Variants in NFATC1 observed in about 807,000 individuals in gnomAD.
NFATC1 encodes nuclear factor of activated T cells 1, also known as nuclear factor of activated T-cells, cytoplasmic 1.
Under a neutral mutation model 76.0 loss-of-function variants are expected in NFATC1, and 22 were observed. The ratio of observed to expected loss-of-function variants is 0.29; its 90% CI spans 0.21 to 0.41. The LOEUF is 0.41. Among genes scored for constraint, NFATC1 ranks in the 10% least tolerant of loss-of-function variants. The pLI is 1.00. For missense variants in NFATC1, 1,357 were observed against 1,337.7 expected (o/e 1.01, Z -0.23); for synonymous variants, 704 against 613.1 (o/e 1.15, Z -2.19).
intron 9 of NFATC1, among the ~76,000 whole-genome samples, chr18:79,513,430 C>T (rs974965604): frequency 2.6e-5 from 4 of 152,358 alleles, no homozygotes; most frequent in South Asian, 2.1e-4. Context: ...CAGATACCCG[C>T]GTCATCCCCC....
At chr18:79,469,759 G>GT in intron 8 of NFATC1, 14 of 985,444 alleles carry the variant, frequency 1.4e-5, no homozygotes, top group Non-Finnish European at 1.7e-5. Context: ...TCTCCTGGAC[G>GT]TAGCACCATA....
At chr18:79,460,958 C>T (rs2088038018) in intron 6 of NFATC1, among the ~76,000 whole-genome samples, 1 of 152,226 alleles carries the variant, frequency 6.6e-6, no homozygotes, top group Non-Finnish European at 1.5e-5. Context: ...CCTCCCGTGA[C>T]CTGTCCTGAG....
intron 8 of NFATC1, among the ~76,000 whole-genome samples, chr18:79,472,467 C>T (rs1227012312): frequency 6.6e-6 from 1 of 152,250 alleles, no homozygotes; most frequent in African/African-American, 2.4e-5. Flanking sequence ...TGCCTTTTCC[C>T]TGGACTTTCC....
intron 9 of NFATC1, among the ~76,000 whole-genome samples, chr18:79,526,053 G>A (rs566508639): frequency 3.9e-5 from 6 of 152,208 alleles, no homozygotes; most frequent in Admixed American, 6.5e-5. Flanking sequence ...GGGTGGGGAC[G>A]TGCGACCCCC....
chr18:79,496,994 C>G (rs1170561803), intron 9 of NFATC1: 4 of 152,268 alleles, frequency 2.6e-5, no homozygotes, highest in African/African-American at 7.2e-5. Flanking sequence ...CGGGTCCCAG[C>G]TCTACCGTTG....
At position 79,396,309 on chromosome 18, in the gene NFATC1, C is replaced by A; in HGVS notation, c.85C>A (p.Pro29Thr). ...AVFGRGETLG[P>T]APRAGGTMKS... ...CTTCGGGAGAGGAGAAACTTTGGGG[C>A]CCGCGCCGCGCGCCGGCGGCACCAT... The change falls in exon 1 of 10, where the codon CCC (proline) becomes ACC (threonine). Residue 29 changes from proline to threonine, a missense_variant. Transcript: ENST00000427363. 6 of 1,426,830 alleles carry A rather than the reference C, an allele frequency of 4.2e-6. No individual in the cohort carries two copies. The highest frequency in any genetic ancestry group is 5.6e-6 in the Non-Finnish European group (6 of 1,076,122). 88.4% of individuals were successfully genotyped at this position (1,426,830 alleles called of 1,614,324 possible).
chr18:79,461,508 T>C lies in NFATC1; in HGVS notation c.1959+142T>C, dbSNP rs946355423. 8 of 543,732 alleles carry C rather than the reference T, an allele frequency of 1.5e-5. No homozygotes were observed. The Admixed American group carries it at 1.5e-4, about 10-fold the overall frequency. 33.7% of individuals were successfully genotyped at this position (543,732 alleles called of 1,614,324 possible). ...GAATGAAACAAATAAAAATAGTGCA[T>C]AGAGTAACAGAACCAGTAACAAACA... On this transcript the variant is annotated intron_variant, in intron 7 of 9. Coordinates refer to ENST00000427363, the MANE Select transcript of NFATC1 (RefSeq NM_001278669.2).
At chr18:79,490,228 A>G (rs937308797) in intron 9 of NFATC1, among the ~76,000 whole-genome samples, 3 of 151,588 alleles carry the variant, frequency 2.0e-5, no homozygotes, top group African/African-American at 7.3e-5. Flanking sequence ...GAGGTGGTGC[A>G]GGTGGGGTAG....
rs760251092 is a variant in NFATC1 at position 79,410,584 on chromosome 18, C to T, written c.309C>T (p.Ser103=). The T allele has an allele frequency of 7.4e-6, 12 of 1,612,150 alleles. No individual in the cohort carries two copies. Among genetic ancestry groups the T allele is most frequent in the African/African-American group, 1.3e-5 (1 of 74,916 alleles). The change falls in exon 2 of 10, where the codon TCC becomes TCT. Residue 103 remains serine (S), a synonymous_variant. Transcript: ENST00000427363. The surrounding 1 kb of genome is among the most constrained non-coding windows in gnomAD (Gnocchi z 6.7). ...LDGGPAGYFL[S]SGHTRPDGAP... ...GTGGGCCCGCGGGCTACTTCCTCTCCTCCGGCCACACCAGGCCTGATGGGG... is the reference window on the plus strand; with the variant it reads ...GTGGGCCCGCGGGCTACTTCCTCTCTTCCGGCCACACCAGGCCTGATGGGG...
intron 1 of NFATC1, among the ~76,000 whole-genome samples, chr18:79,397,030 T>G (rs1004763832): frequency 1.8e-4 from 28 of 152,304 alleles, no homozygotes; most frequent in African/African-American, 2.9e-4. Context: ...TCGAGCTGCT[T>G]CTTTATAGTG....
At chr18:79,488,288 G>C (rs567220604) in intron 9 of NFATC1, among the ~76,000 whole-genome samples, 13 of 126,538 alleles carry the variant, frequency 1.0e-4, no homozygotes, top group African/African-American at 7.0e-4. Context: ...CATGGAGCCC[G>C]CAGCCCTGGT....
At chr18:79,517,069 A>G (rs749283280) in intron 9 of NFATC1, among the ~76,000 whole-genome samples, 11 of 152,358 alleles carry the variant, frequency 7.2e-5, no homozygotes, top group Non-Finnish European at 1.6e-4. Flanking sequence ...CCACCATCAA[A>G]TGGCGTTCTT....
intron 8 of NFATC1, among the ~76,000 whole-genome samples, chr18:79,472,929 C>T (rs1207440333): frequency 6.6e-6 from 1 of 152,240 alleles, no homozygotes. Context: ...TCCTGGCACC[C>T]CTCGTGCGCC....
In NFATC1 at chr18:79,435,187, A is replaced by G. The variant is rs554339788; in HGVS notation, c.1386+1449A>G. Among the ~76,000 whole-genome samples the G allele has an allele frequency of 1.4e-4, 21 of 152,076 alleles. No homozygotes were observed. In the South Asian group the frequency reaches 3.9e-3, roughly 29 times the overall value. On this transcript the variant is annotated intron_variant, in intron 3 of 9. Coordinates refer to ENST00000427363, the MANE Select transcript of NFATC1 (RefSeq NM_001278669.2). ...GAGAAATAATGGCCCAGTCCACCCT[A>G]TTTGCTGTAAATTATGTCGGTGAGG... is the stretch of plus-strand genomic sequence containing the variant.
intron 9 of NFATC1, among the ~76,000 whole-genome samples, chr18:79,525,094 G>T (rs838048): frequency 0.091 from 1,391 of 15,248 alleles, 182 homozygotes; most frequent in Middle Eastern, 0.14. Flanking sequence ...TACCCCTCAG[G>T]CCTCCCCACG....
intron 4 of NFATC1, 135 bp from the exon 5 acceptor site, chr18:79,450,819 G>C (rs1005315516): frequency 1.8e-6 from 2 of 1,130,296 alleles, no homozygotes; most frequent in South Asian, 3.1e-5. Context: ...GTTTTCCTTG[G>C]GGAAGGGGAG....
chr18:79,407,582 G>T (rs1002774606), intron 1 of NFATC1, among the ~76,000 whole-genome samples: 10 of 152,170 alleles, frequency 6.6e-5, no homozygotes, highest in Non-Finnish European at 1.3e-4. Flanking sequence ...CAAGTAGCTG[G>T]GACTACAGGC....
chr18:79,409,860 G>C (rs909589995), intron 1 of NFATC1, among the ~76,000 whole-genome samples: 2 of 152,360 alleles, frequency 1.3e-5, no homozygotes, highest in African/African-American at 4.8e-5. Context: ...AGAGATGACA[G>C]TGTGGGATGA....
chr18:79,410,661 A>T lies in NFATC1; in HGVS notation c.386A>T (p.Tyr129Phe), dbSNP rs1338516335. The change falls in exon 2 of 10, where the codon TAC becomes TTC. Residue 129 changes from tyrosine to phenylalanine, a missense_variant. By Grantham distance (22) the Tyr-to-Phe change is conservative. This residue lies in a region of NFATC1 where 691 missense variants were observed against 613.1 expected (regional missense o/e 1.13). Transcript: ENST00000427363. The surrounding 1 kb of genome is among the most constrained non-coding windows in gnomAD (Gnocchi z 6.7). ...RIEITSCLGLYHNNNQFFHDV... is the reference protein window; with the variant it reads ...RIEITSCLGLFHNNNQFFHDV... Reference sequence around the variant, plus strand: ...GAGATAACCTCGTGCTTGGGCCTGTACCACAACAATAACCAGTTTTTCCAC... The same window carrying T: ...GAGATAACCTCGTGCTTGGGCCTGTTCCACAACAATAACCAGTTTTTCCAC... 11 of 1,613,086 alleles carry T rather than the reference A, an allele frequency of 6.8e-6. No individual in the cohort carries two copies. The highest frequency in any genetic ancestry group is 9.3e-6 in the Non-Finnish European group (11 of 1,179,998).
Sources: allele counts gnomAD v4.1 joint callset (sites outside exome capture counted in the v4.1 genomes callset), GRCh38; gene constraint gnomAD v4.1.1; regional missense constraint gnomAD v4.1.1; non-coding constraint Gnocchi (gnomAD v3.1); transcripts MANE v1.5; gene names NCBI Gene and HGNC (gene_info 2026-07-23, HGNC 2026-07-21).